Variants in FAM117A observed in about 807,000 individuals in gnomAD.
FAM117A encodes the protein family with sequence similarity 117 member A.
In FAM117A, 21 loss-of-function variants were observed where a neutral mutation model predicts 44.1. That is an observed-to-expected ratio of 0.48 (90% CI 0.34 to 0.69). The LOEUF (loss-of-function observed/expected upper bound fraction) is 0.69, where lower values mean the gene tolerates loss of function less well. FAM117A is among the 30% of genes least tolerant of loss of function. The pLI, the probability that FAM117A is intolerant of heterozygous loss-of-function variation, is 0.01. For missense variants in FAM117A, 498 were observed against 589.9 expected (o/e 0.84, Z 1.61); for synonymous variants, 220 against 238.3 (o/e 0.92, Z 0.71).
At chr17:49,764,436 G>A (rs1031348445), upstream of FAM117A, among the ~76,000 whole-genome samples, 5 of 151,704 alleles carry the variant, frequency 3.3e-5, no homozygotes, top group African/African-American at 1.2e-4. Flanking sequence ...GTCACACCCA[G>A]TCCCAGGTAG....
At chr17:49,785,912 G>T (rs918480167) in intron 1 of FAM117A, among the ~76,000 whole-genome samples, 4 of 152,210 alleles carry the variant, frequency 2.6e-5, no homozygotes, top group Non-Finnish European at 5.9e-5. Context: ...GTGAAGTCTG[G>T]TGATTGAGGA....
chr17:49,753,668 T>C (rs573686859), intron 1 of FAM117A, among the ~76,000 whole-genome samples: 1 of 152,036 alleles, frequency 6.6e-6, no homozygotes, highest in Admixed American at 6.5e-5. Context: ...ATAAAAAAAT[T>C]AGCTACTTGG....
chr17:49,736,352 G>A (rs1458888670), intron 1 of FAM117A, among the ~76,000 whole-genome samples: 1 of 151,802 alleles, frequency 6.6e-6, no homozygotes. Context: ...CGCCTCCCAG[G>A]TTCACACCAT....
At chr17:49,725,888 T>G (rs2073557255) in intron 2 of FAM117A, among the ~76,000 whole-genome samples, 1 of 152,158 alleles carries the variant, frequency 6.6e-6, no homozygotes, top group Non-Finnish European at 1.5e-5. Context: ...ATTAGATGTA[T>G]GCACACTGAA....
chr17:49,732,790 C>G, intron 1 of FAM117A, 70 bp from the exon 2 acceptor site: 1 of 1,517,766 alleles, frequency 6.6e-7, no homozygotes, highest in Non-Finnish European at 9.0e-7. Flanking sequence ...TCACCTTCCT[C>G]TTCTAAGAGA....
intron 1 of FAM117A, among the ~76,000 whole-genome samples, chr17:49,779,590 C>T (rs2073784150): frequency 6.6e-6 from 1 of 152,206 alleles, no homozygotes; most frequent in African/African-American, 2.4e-5. Flanking sequence ...CATGTGTACC[C>T]CCCATTTAAA....
At chr17:49,751,452 C>T (rs868235594) in intron 1 of FAM117A, among the ~76,000 whole-genome samples, 15 of 146,194 alleles carry the variant, frequency 1.0e-4, no homozygotes, top group East Asian at 4.1e-4. Flanking sequence ...TGGTGGCATG[C>T]GCCTGTGGTC....
At chr17:49,774,850 T>TA (rs1004901438) in intron 1 of FAM117A, among the ~76,000 whole-genome samples, 12 of 151,682 alleles carry the variant, frequency 7.9e-5, no homozygotes, top group Non-Finnish European at 1.3e-4. Flanking sequence ...TGTTTCTTCT[T>TA]AAAAAAAAAT....
Position 49,763,983 on chromosome 17 carries a change from G to A in FAM117A, c.105C>T (p.Gly35=). The change falls in exon 1 of 8, where the codon GGC becomes GGT. Residue 35 remains glycine (G), a synonymous_variant. Transcript: ENST00000240364. The part of the protein sequence containing the change: ...RRGCSPPAPA[G]SPRAGLQPLR... The stretch of plus-strand genomic sequence containing the variant: ...GCGGCTGCAGCCCAGCCCGGGGGGA[G>A]CCGGCGGGGGCTGGGGGAGAGCAGC... 8.2e-7 allele frequency: 1 copy of A among 1,224,916 alleles called. No homozygotes were observed. The highest frequency in any genetic ancestry group is 1.0e-6 in the Non-Finnish European group (1 of 982,744). The allele number at this position is 1,224,916 out of a possible 1,614,324, so 75.9% of individuals were successfully genotyped here.
intron 1 of FAM117A, among the ~76,000 whole-genome samples, chr17:49,738,366 G>T (rs1161231444): frequency 6.6e-6 from 1 of 152,068 alleles, no homozygotes; most frequent in Non-Finnish European, 1.5e-5. Flanking sequence ...GTCCTGACTT[G>T]TTCCTCCATA....
At position 49,769,417 on chromosome 17, in the gene FAM117A, G is replaced by A. The variant is rs549247990; in HGVS notation, c.-621+19080C>T. Among the ~76,000 whole-genome samples, 10 of 152,284 alleles carry A rather than the reference G, an allele frequency of 6.6e-5. No homozygotes were observed. In the South Asian group the frequency reaches 8.3e-4, roughly 13 times the overall value. ...TCAGAGACATTAAAACTTTAGAATA[G>A]GCCGGGCGCGGTGGCTCACGCCTGT... On this transcript the variant is annotated intron_variant, in intron 1 of 7. Coordinates refer to the FAM117A transcript ENST00000513602.
chr17:49,742,320 C>T (rs921518720), intron 1 of FAM117A, among the ~76,000 whole-genome samples: 3 of 152,146 alleles, frequency 2.0e-5, no homozygotes, highest in African/African-American at 7.2e-5. Context: ...CAAGAGAAAC[C>T]CTTCTGGAGA....
chr17:49,740,455 T>C (rs1194275704), intron 1 of FAM117A, among the ~76,000 whole-genome samples: 2 of 152,154 alleles, frequency 1.3e-5, no homozygotes, highest in Non-Finnish European at 2.9e-5. Flanking sequence ...TTCACCGTGT[T>C]AGCCAGGATG....
At position 49,764,071 on chromosome 17, in the gene FAM117A, G is replaced by C. The variant is rs767778206; in HGVS notation, c.17C>G (p.Ala6Gly). Residue 6 changes from alanine to glycine, a missense_variant, in exon 1 of 8, where the codon GCG becomes GGG. By Grantham distance (60) the Ala-to-Gly change is moderately conservative. Around this residue, in one of 3 missense-constraint regions of FAM117A, gnomAD observed 270 missense variants for 277.4 expected, o/e 0.97. Transcript: ENST00000240364. Reference sequence around the variant, plus strand: ...CCAGGCACCTCCGCCTCTGCCGCCCGCTGCGGCCCCCGCCATGGCTCTCCC... The same window carrying C: ...CCAGGCACCTCCGCCTCTGCCGCCCCCTGCGGCCCCCGCCATGGCTCTCCC... MAGAA[A>G]GGRGGGAWGP... 1.6e-5 allele frequency: 17 copies of C among 1,074,286 alleles called. No individual in the cohort carries two copies. The East Asian group carries it at 7.6e-4, about 48-fold the overall frequency. The allele number at this position is 1,074,286 out of a possible 1,614,324, so 66.5% of individuals were successfully genotyped here.
chr17:49,712,865 TTTTTAA>T (rs1162552371), intron 7 of FAM117A, among the ~76,000 whole-genome samples: 1 of 152,112 alleles, frequency 6.6e-6, no homozygotes, highest in Non-Finnish European at 1.5e-5. Context: ...CTCACCCTCC[TTTTTAA>T]TTTTAATTTT....
intron 1 of FAM117A, among the ~76,000 whole-genome samples, chr17:49,782,376 CAA>C (rs1193854249): frequency 3.8e-3 from 68 of 18,072 alleles, no homozygotes; most frequent in African/African-American, 9.1e-3. Context: ...GACTCCGTCT[CAA>C]AAAAAAAAAA....
intron 1 of FAM117A, among the ~76,000 whole-genome samples, chr17:49,780,801 A>C (rs1286943078): frequency 1.3e-5 from 2 of 152,142 alleles, no homozygotes; most frequent in African/African-American, 4.8e-5. Flanking sequence ...GGTGAGGAGA[A>C]AATACTAAAG....
intron 2 of FAM117A, among the ~76,000 whole-genome samples, chr17:49,724,822 G>GAAAAAAAAAAAAAAAAAAAAAAAAA (rs906558600): frequency 2.3e-5 from 1 of 43,584 alleles, no homozygotes; most frequent in Non-Finnish European, 5.5e-5. Context: ...ACAGTCTCAA[G>GAAAAAAAAAAAAAAAAAAAAAAAAA]AAAAAAAAAA....
chr17:49,711,218 C>T lies in FAM117A; in HGVS notation c.*37G>A, dbSNP rs1024502974. ...TGGGGAGGGACCTGCCACCAAGGCA[C>T]TGGTCTCTATGGTAAAGTGGGGCAG... On this transcript the variant is annotated 3_prime_UTR_variant, in exon 8 of 8. Coordinates refer to ENST00000240364, the MANE Select transcript of FAM117A (RefSeq NM_030802.4). 7.1e-6 allele frequency: 11 copies of T among 1,543,192 alleles called. No homozygotes were observed. The highest frequency in any genetic ancestry group is 8.7e-6 in the Non-Finnish European group (10 of 1,143,460).
Sources: allele counts gnomAD v4.1 joint callset (sites outside exome capture counted in the v4.1 genomes callset), GRCh38; gene constraint gnomAD v4.1.1; regional missense constraint gnomAD v4.1.1; transcripts MANE v1.5; gene names NCBI Gene and HGNC (gene_info 2026-07-23, HGNC 2026-07-21).